CAMTA1: variants seen among roughly 807,000 people sequenced by gnomAD.
CAMTA1 encodes the protein calmodulin binding transcription activator 1, also known as calmodulin-binding transcription activator 1.
Under a neutral mutation model 170.9 loss-of-function variants are expected in CAMTA1, and 27 were observed. The ratio of observed to expected loss-of-function variants is 0.16; its 90% CI spans 0.12 to 0.22. CAMTA1 has a LOEUF of 0.22. CAMTA1 is among the 10% of genes least tolerant of loss of function. CAMTA1 has a pLI of 1.00. For synonymous variants in CAMTA1, 833 were observed against 891.5 expected, an observed-to-expected ratio of 0.93 and a Z score of 1.17; for missense variants, 1,619 against 2,217.2, an observed-to-expected ratio of 0.73 and a Z score of 5.42.
At chr1:6,857,193 G>A (rs1269127771) in intron 3 of CAMTA1, among the ~76,000 whole-genome samples, 3 of 152,162 alleles carry the variant, frequency 2.0e-5, no homozygotes, top group South Asian at 4.1e-4. Context: ...TGGAGGTGGC[G>A]CCAAGGCCCA....
At chr1:6,895,986 T>C (rs1675586346) in intron 3 of CAMTA1, among the ~76,000 whole-genome samples, 1 of 152,216 alleles carries the variant, frequency 6.6e-6, no homozygotes, top group African/African-American at 2.4e-5. Context: ...TAGTTAGATG[T>C]ACCTGCAAGT....
chr1:7,442,561 G>A (rs779853444), intron 5 of CAMTA1, among the ~76,000 whole-genome samples: 1 of 152,146 alleles, frequency 6.6e-6, no homozygotes, highest in African/African-American at 2.4e-5. Context: ...AGAGGCCAAA[G>A]CAAAGTGGCA....
chr1:7,388,829 C>T (rs567661600), intron 5 of CAMTA1, among the ~76,000 whole-genome samples: 11 of 152,228 alleles, frequency 7.2e-5, no homozygotes, highest in Non-Finnish European at 1.3e-4. Flanking sequence ...GGTTCAGACA[C>T]GGAGACCAGT....
intron 3 of CAMTA1, among the ~76,000 whole-genome samples, chr1:6,930,509 A>G (rs968548503): frequency 1.3e-5 from 2 of 152,222 alleles, no homozygotes; most frequent in African/African-American, 4.8e-5. Flanking sequence ...CAGCCAACAG[A>G]AAGTTCCTCC....
intron 4 of CAMTA1, among the ~76,000 whole-genome samples, chr1:7,231,540 T>A (rs1662834733): frequency 6.6e-6 from 1 of 152,108 alleles, no homozygotes; most frequent in Non-Finnish European, 1.5e-5. Context: ...GCCTGGCTAA[T>A]TTTTGTATTT....
chr1:7,371,093 A>C (rs548376624), intron 5 of CAMTA1, among the ~76,000 whole-genome samples: 1 of 150,994 alleles, frequency 6.6e-6, no homozygotes, highest in East Asian at 2.0e-4. Context: ...TTGTATTTTT[A>C]GTAGAGACAG....
chr1:6,828,681 G>T (rs1248407935), intron 3 of CAMTA1, among the ~76,000 whole-genome samples: 2 of 151,888 alleles, frequency 1.3e-5, no homozygotes, highest in Admixed American at 1.3e-4. Flanking sequence ...TTGCAAGGTG[G>T]GTAACATTTC....
chr1:7,634,286 C>A lies in CAMTA1; in HGVS notation c.511-6114C>A, dbSNP rs752306189. Among the ~76,000 whole-genome samples, 2 of 152,022 alleles carry A rather than the reference C, an allele frequency of 1.3e-5. No homozygotes were observed. The highest frequency in any genetic ancestry group is 2.9e-5 in the Non-Finnish European group (2 of 68,006). ...TCCTGGGGTGGGAGAAATGGCAGAA[C>A]TGGGTGATCGACTGGCCGTTGAGGG... On this transcript the variant is annotated intron_variant, in intron 6 of 22. Coordinates refer to ENST00000303635, the MANE Select transcript of CAMTA1 (RefSeq NM_015215.4). The surrounding 1 kb of genome is among the most constrained non-coding windows in gnomAD (Gnocchi z 6.2).
rs1202718424 is a variant in CAMTA1, at chr1:7,580,059, G to A, written c.511-60341G>A. On this transcript the variant is annotated intron_variant, in intron 6 of 22. Coordinates refer to ENST00000303635, the MANE Select transcript of CAMTA1 (RefSeq NM_015215.4). This position sits in a 1 kb window ranked among gnomAD's most constrained non-coding sequence, Gnocchi z 4.3. ...ACTCACAACTCACACATGCATTCTGGCCTCTGGCCTGTGCCAGGCACACAG... is the reference window on the plus strand; with the variant it reads ...ACTCACAACTCACACATGCATTCTGACCTCTGGCCTGTGCCAGGCACACAG... 6.6e-6 allele frequency among the ~76,000 whole-genome samples: 1 copy of A among 152,266 alleles called. No homozygotes were observed. The highest frequency in any genetic ancestry group is 2.4e-5 in the African/African-American group (1 of 41,476).
At chr1:7,719,591 G>A (rs188864534) in intron 11 of CAMTA1, among the ~76,000 whole-genome samples, 2,463 of 152,246 alleles carry the variant, frequency 0.016, 34 homozygotes, top group Non-Finnish European at 0.027. Context: ...GGAGTATGGC[G>A]GTTTTTTCTA....
At chr1:6,901,125 A>G (rs1676843078) in intron 3 of CAMTA1, among the ~76,000 whole-genome samples, 2 of 152,242 alleles carry the variant, frequency 1.3e-5, no homozygotes, top group East Asian at 3.8e-4. Flanking sequence ...CAGAGGTGCA[A>G]AGGGAATTCA....
At chr1:6,879,647 T>C (rs1292587545) in intron 3 of CAMTA1, among the ~76,000 whole-genome samples, 2 of 148,454 alleles carry the variant, frequency 1.3e-5, no homozygotes, top group South Asian at 2.1e-4. Flanking sequence ...AGGTTCTTGC[T>C]CTGTCACCCA....
chr1:6,862,715 C>T (rs540035059), intron 3 of CAMTA1, among the ~76,000 whole-genome samples: 3 of 152,186 alleles, frequency 2.0e-5, no homozygotes, highest in Non-Finnish European at 4.4e-5. Flanking sequence ...TTCTCTCCCA[C>T]TTAGGAGATT....
rs912717720 is a variant in CAMTA1 at position 7,300,601 on chromosome 1, C to T, written c.438+50975C>T. The stretch of plus-strand genomic sequence containing the variant: ...CTGAGGTAGGAGAATCACTTGAACC[C>T]GGGAGGCAGAGGTTGCAGTGAGCCA... On this transcript the variant is annotated intron_variant, in intron 5 of 22. Transcript: ENST00000303635. This position sits in a 1 kb window ranked among gnomAD's most constrained non-coding sequence, Gnocchi z 4.1. 9.2e-5 allele frequency among the ~76,000 whole-genome samples: 14 copies of T among 151,910 alleles called. No individual in the cohort carries two copies. Among genetic ancestry groups the T allele is most frequent in the Admixed American group, 3.9e-4 (6 of 15,260 alleles).
Position 7,736,577 on chromosome 1 carries a change from G to A in CAMTA1, c.3263+37G>A, listed in dbSNP as rs146649253. On this transcript the variant is annotated intron_variant, in intron 13 of 22. Coordinates refer to ENST00000303635, the MANE Select transcript of CAMTA1 (RefSeq NM_015215.4). The surrounding 1 kb of genome is among the most constrained non-coding windows in gnomAD (Gnocchi z 4.5). ...GTGCAGCTGGCTGGGGGTCAGCCTC[G>A]CACATCCTCGCTCACATTCTTCCTG... 1,686 of 1,584,450 alleles carry A rather than the reference G, an allele frequency of 1.1e-3. 16 individuals carry two copies. The East Asian group carries it at 0.024, about 23-fold the overall frequency.
chr1:7,408,164 A>G (rs2090436230), intron 5 of CAMTA1, among the ~76,000 whole-genome samples: 1 of 149,686 alleles, frequency 6.7e-6, no homozygotes, highest in South Asian at 2.2e-4. Flanking sequence ...CATCTGAACG[A>G]AGTGGTTGCA....
chr1:7,042,590 A>C (rs1704642284), intron 3 of CAMTA1, among the ~76,000 whole-genome samples: 1 of 152,210 alleles, frequency 6.6e-6, no homozygotes, highest in African/African-American at 2.4e-5. Context: ...TAAGCCTGGC[A>C]TTGAGATGCC....
intron 5 of CAMTA1, among the ~76,000 whole-genome samples, chr1:7,315,090 A>G (rs1277480837): frequency 1.3e-5 from 2 of 152,228 alleles, no homozygotes; most frequent in African/African-American, 4.8e-5. Context: ...AGAGTGAATG[A>G]GAACATGTCT....
intron 11 of CAMTA1, among the ~76,000 whole-genome samples, chr1:7,719,382 C>T (rs2096634791): frequency 6.6e-6 from 1 of 152,178 alleles, no homozygotes; most frequent in Non-Finnish European, 1.5e-5. Flanking sequence ...TGTCTAATCA[C>T]TGTTGGTCCG....
Sources: gnomAD v4.1 joint callset for allele counts (sites outside exome capture counted in the v4.1 genomes callset) on GRCh38, gnomAD v4.1.1 for gene constraint, Gnocchi (gnomAD v3.1) non-coding constraint, MANE v1.5 for transcripts, NCBI Gene and HGNC (gene_info 2026-07-23, HGNC 2026-07-21) for gene names.